CBR4: variants seen among roughly 807,000 people sequenced by gnomAD.
The protein encoded by CBR4 is 3-oxoacyl-[acyl-carrier-protein] reductase.
In CBR4, 22 loss-of-function variants were observed where a neutral mutation model predicts 21.0. The observed-to-expected ratio is 1.05, with a 90% confidence interval of 0.75 to 1.50. CBR4 has a LOEUF of 1.50. Ranked by LOEUF, CBR4 falls within the 40% of genes most tolerant of loss-of-function variation. CBR4 has a pLI of 0.00. For missense variants in CBR4, 302 were observed against 286.3 expected, an observed-to-expected ratio of 1.05 and a Z score of -0.40; for synonymous variants, 100 against 104.4, an observed-to-expected ratio of 0.96 and a Z score of 0.26.
At chr4:168,983,991 CT>C (rs1764613780), downstream of CBR4, among the ~76,000 whole-genome samples, 2 of 152,142 alleles carry the variant, frequency 1.3e-5, no homozygotes, top group Admixed American at 1.3e-4. Flanking sequence ...CCTTTGAGAA[CT>C]GCAACAAGAC....
At chr4:168,971,436 A>ATTTTTTTTTT (rs70961566) in intron 2 of CBR4, among the ~76,000 whole-genome samples, 1,377 of 113,520 alleles carry the variant, frequency 0.012, 1 homozygote, top group African/African-American at 0.022. Context: ...TGCCCAGCTC[A>ATTTTTTTTTT]TTTTTTTTTT....
intron 2 of CBR4, among the ~76,000 whole-genome samples, chr4:168,965,136 T>C (rs1763980827): frequency 6.6e-6 from 1 of 152,138 alleles, no homozygotes; most frequent in African/African-American, 2.4e-5. Flanking sequence ...AGCCAAATCA[T>C]GAGTGAACTC....
In CBR4 at chr4:168,913,539, G is replaced by A. The variant is rs1759476925; in HGVS notation, n.170-18774C>T. Among the ~76,000 whole-genome samples the A allele has an allele frequency of 2.6e-5, 4 of 152,276 alleles. No homozygotes were observed. The South Asian group carries it at 8.3e-4, about 32-fold the overall frequency. Reference sequence around the variant, plus strand: ...ATTTCAGAATTGGCTACAGCTGGTAGATGACCATGAAAATGGAATCTTCAC... The same window carrying A: ...ATTTCAGAATTGGCTACAGCTGGTAAATGACCATGAAAATGGAATCTTCAC... On this transcript the variant is annotated intron_variant and non_coding_transcript_variant, in intron 2 of 3. Transcript: ENST00000509108.
At position 168,956,349 on chromosome 4, in the gene CBR4, T is replaced by C. The variant is rs192059068; in HGVS notation, n.169+45722A>G. 3.4e-3 allele frequency among the ~76,000 whole-genome samples: 515 copies of C among 152,046 alleles called. 1 individual carries two copies. Among genetic ancestry groups the C allele is most frequent in the Non-Finnish European group, 5.8e-3 (393 of 67,972 alleles). ...GGCTGGGTGCAGTGGCTCACACCTG[T>C]AATCCTAGCACTTTGGGAGGCCAAG... On this transcript the variant is annotated intron_variant and non_coding_transcript_variant, in intron 2 of 3. Transcript: ENST00000509108.
chr4:168,935,177 A>T (rs1763074795), intron 2 of CBR4, among the ~76,000 whole-genome samples: 1 of 152,132 alleles, frequency 6.6e-6, no homozygotes, highest in South Asian at 2.1e-4. Context: ...CAAGGGGTGG[A>T]GGAACTCCCT....
rs1469692702 is a variant in CBR4, at chr4:168,922,091, A to C, written n.170-27326T>G. 3.0e-5 allele frequency among the ~76,000 whole-genome samples: 3 copies of C among 100,532 alleles called. No homozygotes were observed. The East Asian group carries it at 8.6e-4, about 29-fold the overall frequency. 66.0% of individuals were successfully genotyped at this position (100,532 alleles called of 152,430 possible). Reference sequence around the variant, plus strand: ...TATATATAAAGTTTTATATTTATATATATATATATATACACACACACACAC... The same window carrying C: ...TATATATAAAGTTTTATATTTATATCTATATATATATACACACACACACAC... On this transcript the variant is annotated intron_variant and non_coding_transcript_variant, in intron 2 of 3. Coordinates refer to the CBR4 transcript ENST00000509108.
At chr4:168,959,874 TAAA>T (rs70961565) in intron 2 of CBR4, among the ~76,000 whole-genome samples, 1 of 143,686 alleles carries the variant, frequency 7.0e-6, no homozygotes. Context: ...CAATTTCTAT[TAAA>T]AAAAAAAAAA....
chr4:168,966,741 G>C (rs549508684), intron 2 of CBR4, among the ~76,000 whole-genome samples: 1 of 151,412 alleles, frequency 6.6e-6, no homozygotes, highest in Admixed American at 6.6e-5. Flanking sequence ...CTACAGGGCC[G>C]GGCACAGTGG....
intron 2 of CBR4, among the ~76,000 whole-genome samples, chr4:168,919,259 C>CACTG (rs1243215297): frequency 6.6e-6 from 1 of 152,130 alleles, no homozygotes; most frequent in East Asian, 1.9e-4. Context: ...GCACGTGGGT[C>CACTG]ACGCCTGTAA....
intron 2 of CBR4, among the ~76,000 whole-genome samples, chr4:168,952,605 G>T (rs565628956): frequency 5.3e-5 from 8 of 152,222 alleles, no homozygotes; most frequent in Non-Finnish European, 1.2e-4. Flanking sequence ...GTCTCACAGG[G>T]TGTTCCCTTG....
chr4:168,958,329 C>T (rs1019049722), intron 2 of CBR4, among the ~76,000 whole-genome samples: 21 of 151,860 alleles, frequency 1.4e-4, no homozygotes, highest in African/African-American at 4.8e-4. Context: ...CAGACGAATA[C>T]ATACTCTTTT....
At chr4:168,998,645 G>A (rs1765319304) in intron 4 of CBR4, among the ~76,000 whole-genome samples, 1 of 152,116 alleles carries the variant, frequency 6.6e-6, no homozygotes, top group African/African-American at 2.4e-5. Context: ...CCACTGAATT[G>A]ACTGAATTGT....
intron 2 of CBR4, chr4:168,926,690 C>T (rs936005347): frequency 2.9e-6 from 1 of 345,024 alleles, no homozygotes; most frequent in Non-Finnish European, 5.4e-6. Flanking sequence ...CAGGTAACTA[C>T]AATTTGTATT....
At chr4:168,943,824 C>T (rs1223340226) in intron 2 of CBR4, among the ~76,000 whole-genome samples, 1 of 152,064 alleles carries the variant, frequency 6.6e-6, no homozygotes, top group Non-Finnish European at 1.5e-5. Flanking sequence ...GTAGGAGGAT[C>T]GCTTGAACCC....
intron 2 of CBR4, among the ~76,000 whole-genome samples, chr4:168,955,138 T>C (rs1763646951): frequency 6.6e-6 from 1 of 152,226 alleles, no homozygotes; most frequent in Non-Finnish European, 1.5e-5. Context: ...ATGATTATGA[T>C]ATAACTATAT....
Position 168,904,183 on chromosome 4 carries a change from G to A in CBR4, n.170-9418C>T, listed in dbSNP as rs182277102. The A allele has an allele frequency of 1.9e-3, 798 of 422,276 alleles. 4 individuals carry two copies. The highest frequency in any genetic ancestry group is 6.8e-3 in the Admixed American group (195 of 28,798). The allele number at this position is 422,276 out of a possible 1,614,324, so 26.2% of individuals were successfully genotyped here. A position where few individuals can be genotyped will look rare whatever the true frequency, so the allele number is the denominator to read the frequency against. ...CTATGTGGGTGATGGGGTTGCAGTG[G>A]TAGACTGGACAAAGTCCTATGGTAA... On this transcript the variant is annotated intron_variant and non_coding_transcript_variant, in intron 2 of 3. Coordinates refer to the CBR4 transcript ENST00000509108.
At chr4:168,933,754 T>C (rs1763029358) in intron 2 of CBR4, among the ~76,000 whole-genome samples, 1 of 152,172 alleles carries the variant, frequency 6.6e-6, no homozygotes, top group South Asian at 2.1e-4. Context: ...GGATTGACCA[T>C]ATATTAGGAC....
At chr4:168,957,981 T>C (rs772402438) in intron 2 of CBR4, among the ~76,000 whole-genome samples, 3 of 152,188 alleles carry the variant, frequency 2.0e-5, no homozygotes, top group Non-Finnish European at 4.4e-5. Flanking sequence ...CTCTGTAAGT[T>C]TCCTGAGGCC....
intron 2 of CBR4, among the ~76,000 whole-genome samples, chr4:168,917,849 T>C (rs1340508638): frequency 6.6e-6 from 1 of 152,198 alleles, no homozygotes; most frequent in Non-Finnish European, 1.5e-5. Context: ...TTAAGAATTA[T>C]ACAGTACAGC....
Sources: gnomAD v4.1 joint callset for allele counts (sites outside exome capture counted in the v4.1 genomes callset) on GRCh38, gnomAD v4.1.1 for gene constraint, MANE v1.5 for transcripts, NCBI Gene and HGNC (gene_info 2026-07-23, HGNC 2026-07-21) for gene names.